The following ARHGAP26 variants were observed in gnomAD, a reference collection of about 807,000 sequenced individuals.
The protein encoded by ARHGAP26 is rho GTPase-activating protein 26.
ARHGAP26 carries 38 observed loss-of-function variants against 104.8 expected under a neutral mutation model. The observed-to-expected ratio is 0.36, with a 90% CI of 0.28 to 0.48. The LOEUF is 0.48. Among genes scored for constraint, ARHGAP26 ranks in the 20% least tolerant of loss-of-function variants. The pLI, the probability that ARHGAP26 is intolerant of heterozygous loss-of-function variation, is 0.99. For synonymous variants in ARHGAP26, 341 were observed against 340.0 expected, an observed-to-expected ratio of 1.00 and a Z score of -0.03; for missense variants, 704 against 947.9, an observed-to-expected ratio of 0.74 and a Z score of 3.38.
At chr5:143,173,373 G>T (rs567473011) in intron 20 of ARHGAP26, among the ~76,000 whole-genome samples, 138 of 152,286 alleles carry the variant, frequency 9.1e-4, no homozygotes, top group African/African-American at 3.2e-3. Context: ...CCATTCTGCA[G>T]GGTGTGCAGG....
chr5:143,037,930 C>T (rs1354915476), intron 13 of ARHGAP26, among the ~76,000 whole-genome samples: 1 of 152,228 alleles, frequency 6.6e-6, no homozygotes, highest in Non-Finnish European at 1.5e-5. Flanking sequence ...CATGTTCACA[C>T]TGATCTTTCC....
intron 20 of ARHGAP26, among the ~76,000 whole-genome samples, chr5:143,151,880 T>C (rs567863636): frequency 1.3e-5 from 2 of 152,198 alleles, no homozygotes; most frequent in Admixed American, 1.3e-4. Flanking sequence ...GGGTTGAACC[T>C]GGGAGGCAGA....
At chr5:142,940,329 T>C (rs1210577014) in intron 11 of ARHGAP26, among the ~76,000 whole-genome samples, 3 of 152,208 alleles carry the variant, frequency 2.0e-5, no homozygotes, top group Non-Finnish European at 2.9e-5. Flanking sequence ...TAATTTTTTT[T>C]AACTTTTAGG....
At chr5:142,914,348 A>G (rs908164103) in intron 10 of ARHGAP26, among the ~76,000 whole-genome samples, 3 of 152,264 alleles carry the variant, frequency 2.0e-5, no homozygotes, top group African/African-American at 7.2e-5. Context: ...TTTAGTCATT[A>G]CATCTTTGGC....
At chr5:143,130,693 C>CGA (rs1359461722) in intron 18 of ARHGAP26, among the ~76,000 whole-genome samples, 2 of 152,156 alleles carry the variant, frequency 1.3e-5, no homozygotes, top group African/African-American at 4.8e-5. Context: ...AATCCCAACT[C>CGA]GAGCCTTTAG....
intron 11 of ARHGAP26, among the ~76,000 whole-genome samples, chr5:142,957,613 C>A (rs886990293): frequency 1.3e-5 from 2 of 152,188 alleles, no homozygotes; most frequent in Non-Finnish European, 2.9e-5. Flanking sequence ...GAGTCTCTTA[C>A]GTAGTTTGAT....
chr5:143,100,154 A>G (rs1308775583), intron 17 of ARHGAP26, among the ~76,000 whole-genome samples: 1 of 152,218 alleles, frequency 6.6e-6, no homozygotes, highest in Non-Finnish European at 1.5e-5. Flanking sequence ...AAGAGGTCAT[A>G]TTTGAAGAGA....
At chr5:142,956,847 A>G (rs1273579232) in intron 11 of ARHGAP26, among the ~76,000 whole-genome samples, 10 of 152,158 alleles carry the variant, frequency 6.6e-5, no homozygotes, top group Admixed American at 6.5e-5. Context: ...ATGAGGAGGA[A>G]GCAAACGCAG....
intron 12 of ARHGAP26, among the ~76,000 whole-genome samples, chr5:143,021,409 C>T (rs1780314483): frequency 6.6e-6 from 1 of 152,164 alleles, no homozygotes; most frequent in Non-Finnish European, 1.5e-5. Flanking sequence ...TTTGGTATTA[C>T]AAATAACATT....
chr5:142,859,605 T>A (rs1179755795), intron 1 of ARHGAP26: 1 of 152,266 alleles, frequency 6.6e-6, no homozygotes, highest in Non-Finnish European at 1.5e-5. Flanking sequence ...CAATCCATAT[T>A]TCATAGCTCA....
intron 10 of ARHGAP26, among the ~76,000 whole-genome samples, chr5:142,926,357 G>A (rs952023813): frequency 3.9e-5 from 6 of 152,172 alleles, no homozygotes; most frequent in Admixed American, 3.3e-4. Flanking sequence ...TTCTTAAGCA[G>A]ATCCAGATTC....
intron 20 of ARHGAP26, among the ~76,000 whole-genome samples, chr5:143,186,740 T>C (rs1486187871): frequency 6.6e-6 from 1 of 152,208 alleles, no homozygotes; most frequent in Non-Finnish European, 1.5e-5. Context: ...TGAACTTGTC[T>C]GTGAACATTT....
intron 1 of ARHGAP26, among the ~76,000 whole-genome samples, chr5:142,857,943 C>G (rs1276205675): frequency 6.6e-6 from 1 of 152,050 alleles, no homozygotes; most frequent in Non-Finnish European, 1.5e-5. Context: ...TCCAGAATTT[C>G]TGATCCCATA....
At chr5:143,092,836 G>C (rs1791658076) in intron 17 of ARHGAP26, among the ~76,000 whole-genome samples, 1 of 152,194 alleles carries the variant, frequency 6.6e-6, no homozygotes, top group Non-Finnish European at 1.5e-5. Context: ...AGTGCAAACA[G>C]CTCCCACGTC....
chr5:143,187,191 T>G (rs1378659824), intron 20 of ARHGAP26, among the ~76,000 whole-genome samples: 1 of 152,158 alleles, frequency 6.6e-6, no homozygotes, highest in African/African-American at 2.4e-5. Flanking sequence ...TTGCCCAGGG[T>G]GACACAGCTA....
chr5:143,049,112 T>C (rs1012518563), intron 14 of ARHGAP26, among the ~76,000 whole-genome samples: 8 of 152,158 alleles, frequency 5.3e-5, no homozygotes, highest in African/African-American at 1.4e-4. Context: ...TTTATACATA[T>C]TGGGGGCCAC....
At chr5:142,943,698 TATTA>T (rs2152564528) in intron 11 of ARHGAP26, among the ~76,000 whole-genome samples, 1 of 152,332 alleles carries the variant, frequency 6.6e-6, no homozygotes, top group African/African-American at 2.4e-5. Context: ...CTAACTTCTT[TATTA>T]ATTTATCAGT....
At chr5:143,036,300 A>G (rs1782637109) in intron 12 of ARHGAP26, among the ~76,000 whole-genome samples, 1 of 152,192 alleles carries the variant, frequency 6.6e-6, no homozygotes, top group Admixed American at 6.5e-5. Context: ...CGGGTAACCA[A>G]AACATGGGGG....
intron 20 of ARHGAP26, among the ~76,000 whole-genome samples, chr5:143,189,194 A>G (rs1805557821): frequency 6.6e-6 from 1 of 152,234 alleles, no homozygotes; most frequent in African/African-American, 2.4e-5. Context: ...GACCCTTTCC[A>G]TTAAGTTCAC....
Sources: allele counts gnomAD v4.1 joint callset (sites outside exome capture counted in the v4.1 genomes callset), GRCh38; gene constraint gnomAD v4.1.1; transcripts MANE v1.5; gene names NCBI Gene and HGNC (gene_info 2026-07-23, HGNC 2026-07-21).